Variants in CCDC146 observed in about 807,000 individuals in gnomAD.
CCDC146 encodes coiled-coil domain-containing protein 146.
Under a neutral mutation model 119.3 loss-of-function variants are expected in CCDC146, and 92 were observed. The ratio of observed to expected loss-of-function variants is 0.77; its 90% CI spans 0.65 to 0.92. CCDC146 has a LOEUF of 0.92. Ranked by LOEUF, CCDC146 falls within the 40% of genes least tolerant of loss-of-function variation. CCDC146 has a pLI of 0.00. For missense variants in CCDC146, 1,000 were observed against 1,103.0 expected (o/e 0.91, Z 1.32); for synonymous variants, 372 against 371.8 (o/e 1.00, Z -0.01).
At chr7:77,192,608 G>T (rs1180563403) in intron 2 of CCDC146, among the ~76,000 whole-genome samples, 2 of 152,180 alleles carry the variant, frequency 1.3e-5, no homozygotes, top group African/African-American at 2.4e-5. Context: ...GGACTTATTT[G>T]CCAGATTTTA....
intron 2 of CCDC146, chr7:77,194,943 A>G (rs1791837683): frequency 6.6e-6 from 1 of 152,148 alleles, no homozygotes; most frequent in Non-Finnish European, 1.5e-5. Context: ...TCTATCTTTT[A>G]GTTTCTGATA....
chr7:77,157,263 C>T (rs548047671), intron 1 of CCDC146, among the ~76,000 whole-genome samples: 8 of 120,406 alleles, frequency 6.6e-5, no homozygotes, highest in Non-Finnish European at 1.4e-4. Flanking sequence ...TTACACCCTG[C>T]TGTTTCTAAA....
At chr7:77,204,974 A>T (rs1160673589) in intron 2 of CCDC146, among the ~76,000 whole-genome samples, 2 of 152,186 alleles carry the variant, frequency 1.3e-5, no homozygotes, top group African/African-American at 4.8e-5. Context: ...TAAAAATTAG[A>T]TGGGCATGCT....
chr7:77,144,481 C>A (rs1279223481), intron 1 of CCDC146, among the ~76,000 whole-genome samples: 3 of 151,736 alleles, frequency 2.0e-5, no homozygotes, highest in Non-Finnish European at 4.4e-5. Flanking sequence ...GAGAGGGCAT[C>A]CCTGTCTTGT....
chr7:77,256,551 T>C (rs376951485), intron 6 of CCDC146, 42 bp downstream of exon 6: 1 of 1,524,898 alleles, frequency 6.6e-7, no homozygotes, highest in African/African-American at 1.4e-5. Flanking sequence ...GTGCCTTGCA[T>C]GGATATAAAA....
chr7:77,289,352 G>A (rs1357644465), intron 17 of CCDC146, among the ~76,000 whole-genome samples: 1 of 152,136 alleles, frequency 6.6e-6, no homozygotes, highest in Non-Finnish European at 1.5e-5. Flanking sequence ...GCACAGCCGA[G>A]TCCTAGTCTA....
intron 1 of CCDC146, among the ~76,000 whole-genome samples, chr7:77,152,489 C>T (rs1298193958): frequency 6.6e-6 from 1 of 152,154 alleles, no homozygotes; most frequent in Non-Finnish European, 1.5e-5. Flanking sequence ...GGGAACTTTG[C>T]CTACTTCACT....
chr7:77,199,360 T>A (rs759137583), intron 2 of CCDC146: 15 of 1,614,102 alleles, frequency 9.3e-6, no homozygotes, highest in Non-Finnish European at 1.3e-5. Context: ...TTTGGCATTC[T>A]TTAGCTCAGA....
intron 4 of CCDC146, among the ~76,000 whole-genome samples, chr7:77,243,837 CCT>C (rs1792894735): frequency 6.6e-6 from 1 of 151,992 alleles, no homozygotes; most frequent in African/African-American, 2.4e-5. Context: ...CCTGTGTAGG[CCT>C]AGGCTAATGT....
chr7:77,251,865 A>G (rs756806098), intron 4 of CCDC146, among the ~76,000 whole-genome samples: 4 of 152,146 alleles, frequency 2.6e-5, no homozygotes, highest in Non-Finnish European at 5.9e-5. Flanking sequence ...GAACAGATCC[A>G]TGGCCGGGCG....
intron 1 of CCDC146, among the ~76,000 whole-genome samples, chr7:77,146,059 C>A (rs1791014065): frequency 6.6e-6 from 1 of 151,782 alleles, no homozygotes; most frequent in Admixed American, 6.6e-5. Context: ...GTCTAGGTCT[C>A]TTTGTAGGTC....
chr7:77,199,778 A>C, intron 2 of CCDC146: 1 of 1,613,934 alleles, frequency 6.2e-7, no homozygotes, highest in Non-Finnish European at 8.5e-7. Context: ...AGCCAGTACC[A>C]GTTAGCCAGC....
chr7:77,238,003 C>T (rs577241199), intron 3 of CCDC146, among the ~76,000 whole-genome samples: 1 of 152,326 alleles, frequency 6.6e-6, no homozygotes, highest in East Asian at 1.9e-4. Flanking sequence ...AATCACTTCC[C>T]CTCCTTCTTA....
At chr7:77,226,019 G>A (rs1792506203) in intron 2 of CCDC146, among the ~76,000 whole-genome samples, 1 of 152,150 alleles carries the variant, frequency 6.6e-6, no homozygotes, top group Admixed American at 6.5e-5. Context: ...GAAAAGGTAG[G>A]AGAGCATATA....
intron 3 of CCDC146, among the ~76,000 whole-genome samples, chr7:77,240,796 C>T (rs1021883125): frequency 4.6e-5 from 7 of 152,226 alleles, no homozygotes; most frequent in Middle Eastern, 3.4e-3. Context: ...AGTTAACATT[C>T]GTATATTACT....
chr7:77,251,161 A>G (rs1328324493), intron 4 of CCDC146, among the ~76,000 whole-genome samples: 1 of 152,012 alleles, frequency 6.6e-6, no homozygotes, highest in East Asian at 1.9e-4. Flanking sequence ...AGCTGGGATT[A>G]CAAGTGGCCG....
At chr7:77,235,979 G>A (rs1000863212) in intron 2 of CCDC146, among the ~76,000 whole-genome samples, 14 of 152,126 alleles carry the variant, frequency 9.2e-5, no homozygotes, top group African/African-American at 2.7e-4. Context: ...GCTGAGGTAC[G>A]AGAATCACTT....
intron 2 of CCDC146, among the ~76,000 whole-genome samples, chr7:77,170,618 G>C (rs1325784416): frequency 6.6e-6 from 1 of 152,164 alleles, no homozygotes; most frequent in African/African-American, 2.4e-5. Flanking sequence ...TATCAACAGA[G>C]TAAAAAGACA....
chr7:77,259,987 TGTGTGTG>T lies in CCDC146; in HGVS notation c.759-21_759-15del. ...GTGTGTGTGTGTGTGTGTGTGTGTG[TGTGTGTG>T]TGTATCCCCTACAGAGAAATGGAAA... On this transcript the variant is annotated splice_polypyrimidine_tract_variant and intron_variant, in intron 7 of 18. Transcript: ENST00000285871. 1 of 703,510 alleles carries T rather than the reference TGTGTGTG, an allele frequency of 1.4e-6. No individual in the cohort carries two copies. Among genetic ancestry groups the T allele is most frequent in the Non-Finnish European group, 2.4e-6 (1 of 424,544 alleles). The allele number at this position is 703,510 out of a possible 1,614,324, so 43.6% of individuals were successfully genotyped here.
Sources: allele counts gnomAD v4.1 joint callset (sites outside exome capture counted in the v4.1 genomes callset), GRCh38; gene constraint gnomAD v4.1.1; transcripts MANE v1.5; gene names NCBI Gene and HGNC (gene_info 2026-07-23, HGNC 2026-07-21).